ARAP2: variants seen among roughly 807,000 people sequenced by gnomAD.
The protein encoded by ARAP2 is ArfGAP with RhoGAP domain, ankyrin repeat and PH domain 2, also known as arf-GAP with Rho-GAP domain, ANK repeat and PH domain-containing protein 2.
In ARAP2, 148 loss-of-function variants were observed where a neutral mutation model predicts 194.5. The ratio of observed to expected loss-of-function variants is 0.76; its 90% confidence interval spans 0.67 to 0.87. The LOEUF is 0.87. Among genes scored for constraint, ARAP2 ranks in the 40% least tolerant of loss-of-function variants. The pLI is 0.00. For missense variants in ARAP2, 2,128 were observed against 1,989.7 expected (o/e 1.07, Z -1.32); for synonymous variants, 695 against 683.5 (o/e 1.02, Z -0.26).
At chr4:36,141,486 A>G (rs896562311) in intron 19 of ARAP2, among the ~76,000 whole-genome samples, 2 of 151,718 alleles carry the variant, frequency 1.3e-5, no homozygotes, top group Non-Finnish European at 3.0e-5. Flanking sequence ...TTTTCTGTCT[A>G]AAGACACTCA....
intron 2 of ARAP2, among the ~76,000 whole-genome samples, chr4:36,217,736 T>A (rs1052975603): frequency 1.3e-5 from 2 of 150,960 alleles, no homozygotes; most frequent in African/African-American, 2.4e-5. Context: ...AGAACTGAAC[T>A]GGAAACCATT....
chr4:36,031,850 G>C (rs1719025165), intron 5 of ARAP2, among the ~76,000 whole-genome samples: 1 of 151,930 alleles, frequency 6.6e-6, no homozygotes, highest in South Asian at 2.1e-4. Context: ...TGTATTTTTA[G>C]TAGAAACGGG....
chr4:36,040,800 T>C (rs1486610458), intron 5 of ARAP2, among the ~76,000 whole-genome samples: 1 of 152,154 alleles, frequency 6.6e-6, no homozygotes, highest in Non-Finnish European at 1.5e-5. Context: ...TAGTTTGACT[T>C]CCTCTCTTCT....
intron 1 of ARAP2, among the ~76,000 whole-genome samples, chr4:36,231,929 T>C (rs1300507894): frequency 6.6e-6 from 1 of 152,078 alleles, no homozygotes; most frequent in East Asian, 1.9e-4. Flanking sequence ...ATAATTAAGG[T>C]TAAATGAGGT....
intron 27 of ARAP2, among the ~76,000 whole-genome samples, chr4:36,099,024 C>A (rs548976620): frequency 6.6e-6 from 1 of 152,012 alleles, no homozygotes; most frequent in Non-Finnish European, 1.5e-5. Flanking sequence ...ATTAGCTGTT[C>A]TTCCTGATGT....
intron 20 of ARAP2, among the ~76,000 whole-genome samples, chr4:36,132,213 T>TTCCACCAC (rs1243627042): frequency 6.6e-6 from 1 of 151,708 alleles, no homozygotes; most frequent in African/African-American, 2.4e-5. Flanking sequence ...AACTTTTTAC[T>TTCCACCAC]TCCACCACTG....
chr4:36,132,036 A>C (rs1370352917), intron 20 of ARAP2, among the ~76,000 whole-genome samples: 2 of 151,864 alleles, frequency 1.3e-5, no homozygotes, highest in Admixed American at 6.6e-5. Flanking sequence ...CAAAGTAAGA[A>C]AAATACTTAA....
intron 16 of ARAP2, among the ~76,000 whole-genome samples, chr4:36,150,346 T>C (rs1239970425): frequency 1.3e-5 from 2 of 152,156 alleles, no homozygotes; most frequent in African/African-American, 4.8e-5. Flanking sequence ...TGATATGCTA[T>C]ACATTTACAT....
chr4:36,202,174 T>C (rs1432315489), intron 6 of ARAP2, among the ~76,000 whole-genome samples: 1 of 152,110 alleles, frequency 6.6e-6, no homozygotes, highest in Non-Finnish European at 1.5e-5. Context: ...CATACGTATT[T>C]ATTTTTATTT....
intron 2 of ARAP2, among the ~76,000 whole-genome samples, chr4:36,219,861 T>C (rs1025532295): frequency 2.2e-4 from 33 of 152,216 alleles, no homozygotes; most frequent in African/African-American, 7.7e-4. Context: ...CAAACATGAA[T>C]GTTTCTCAAA....
intron 15 of ARAP2, among the ~76,000 whole-genome samples, chr4:36,156,899 C>G (rs1319208784): frequency 6.6e-6 from 1 of 152,070 alleles, no homozygotes; most frequent in Non-Finnish European, 1.5e-5. Flanking sequence ...ACAGATAACG[C>G]ATCAGTTTCT....
intron 10 of ARAP2, 107 bp downstream of exon 10, chr4:36,166,825 T>C (rs1735389595): frequency 4.0e-6 from 2 of 505,184 alleles, no homozygotes; most frequent in Middle Eastern, 3.3e-4. Context: ...AGTAGGGAGA[T>C]AATTTTAAAT....
chr4:36,205,294 A>C (rs989411175), intron 6 of ARAP2, among the ~76,000 whole-genome samples: 10 of 152,146 alleles, frequency 6.6e-5, no homozygotes, highest in African/African-American at 2.4e-4. Flanking sequence ...CCTAACACTG[A>C]AAAGTTAAAA....
At chr4:36,086,375 A>C (rs1437798343) in intron 28 of ARAP2, among the ~76,000 whole-genome samples, 1 of 152,146 alleles carries the variant, frequency 6.6e-6, no homozygotes, top group Non-Finnish European at 1.5e-5. Context: ...CACTCCTGGC[A>C]TGCAGGCTCA....
At chr4:36,080,163 T>C in intron 31 of ARAP2, 53 bp downstream of exon 31, 1 of 1,460,692 alleles carries the variant, frequency 6.8e-7, no homozygotes, top group Non-Finnish European at 9.5e-7. Context: ...CACTAACATT[T>C]CCTGTAAACA....
intron 26 of ARAP2, among the ~76,000 whole-genome samples, chr4:36,111,811 A>G (rs1720063144): frequency 6.6e-6 from 1 of 151,832 alleles, no homozygotes; most frequent in African/African-American, 2.4e-5. Context: ...ATCCTCATCC[A>G]CCTGCTTGCT....
intron 28 of ARAP2, among the ~76,000 whole-genome samples, chr4:36,091,264 C>T (rs1298659425): frequency 6.6e-6 from 1 of 152,110 alleles, no homozygotes; most frequent in African/African-American, 2.4e-5. Flanking sequence ...GTAACCAGCT[C>T]TTCACAGAGA....
At chr4:36,130,170 C>A (rs1725071118) in intron 20 of ARAP2, among the ~76,000 whole-genome samples, 3 of 151,896 alleles carry the variant, frequency 2.0e-5, no homozygotes, top group Admixed American at 2.0e-4. Flanking sequence ...AACTCCTTGC[C>A]CATATTCTTA....
intron 5 of ARAP2, among the ~76,000 whole-genome samples, chr4:36,033,884 GCA>G (rs532352221): frequency 1.3e-4 from 20 of 152,112 alleles, no homozygotes; most frequent in African/African-American, 4.8e-4. Flanking sequence ...ATTTTTCTCA[GCA>G]CCATTTATTG....
Sources: allele counts gnomAD v4.1 joint callset (sites outside exome capture counted in the v4.1 genomes callset), GRCh38; gene constraint gnomAD v4.1.1; transcripts MANE v1.5; gene names NCBI Gene and HGNC (gene_info 2026-07-23, HGNC 2026-07-21).